The following ARHGEF7 variants were observed in gnomAD, a reference collection of about 807,000 sequenced individuals.
ARHGEF7 encodes the protein PAK-interacting exchange factor beta.
ARHGEF7 carries 33 observed loss-of-function variants against 109.8 expected under a neutral mutation model. That is an observed-to-expected ratio of 0.30 (90% CI 0.23 to 0.40). ARHGEF7 has a LOEUF of 0.40. ARHGEF7 is among the 10% of genes least tolerant of loss of function. The probability of loss-of-function intolerance (pLI) is 1.00; values close to 1 mark genes in which losing one functional copy is unlikely to be tolerated. For synonymous variants in ARHGEF7, 458 were observed against 424.6 expected, an observed-to-expected ratio of 1.08 and a Z score of -0.97; for missense variants, 938 against 1,098.5, an observed-to-expected ratio of 0.85 and a Z score of 2.07.
intron 4 of ARHGEF7, 66 bp downstream of exon 4, chr13:111,210,068 T>C (rs2082312001): frequency 1.9e-6 from 3 of 1,594,348 alleles, no homozygotes; most frequent in Non-Finnish European, 2.6e-6. Flanking sequence ...TGGATATATC[T>C]GAGAAGATAC....
intron 17 of ARHGEF7, among the ~76,000 whole-genome samples, chr13:111,287,324 C>G (rs930579820): frequency 6.6e-6 from 1 of 152,178 alleles, no homozygotes; most frequent in East Asian, 1.9e-4. Flanking sequence ...TGTGCCGGGG[C>G]TTCTCTCTGA....
intron 2 of ARHGEF7, among the ~76,000 whole-genome samples, chr13:111,178,415 A>G (rs1015853147): frequency 3.9e-5 from 6 of 152,204 alleles, no homozygotes; most frequent in African/African-American, 1.4e-4. Context: ...TTTACCTTGT[A>G]TGTTTTCTGT....
Position 111,127,228 on chromosome 13 carries a change from C to T in ARHGEF7, c.165+11537C>T, listed in dbSNP as rs536080197. The stretch of plus-strand genomic sequence containing the variant: ...AGAAGAAATTGATAACTTTAATAAC[C>T]CTACATCTATTACAGAAATAAATTT... On this transcript the variant is annotated intron_variant, in intron 1 of 21. Coordinates refer to ENST00000646102, the MANE Select transcript of ARHGEF7 (RefSeq NM_001354046.2). Among the ~76,000 whole-genome samples, 3 of 152,226 alleles carry T rather than the reference C, an allele frequency of 2.0e-5. No homozygotes were observed. In the South Asian group the frequency reaches 6.2e-4, roughly 32 times the overall value.
chr13:111,299,015 G>A (rs1197145294), intron 19 of ARHGEF7, among the ~76,000 whole-genome samples: 1 of 152,218 alleles, frequency 6.6e-6, no homozygotes, highest in African/African-American at 2.4e-5. Context: ...AGCAGCACTT[G>A]GTTGCTTTCC....
intron 5 of ARHGEF7, among the ~76,000 whole-genome samples, chr13:111,221,590 TATATATAGATATATATCTCC>T (rs2084384568): frequency 9.8e-5 from 9 of 91,416 alleles, no homozygotes; most frequent in Non-Finnish European, 1.6e-4. Context: ...TATATATATC[TATATATAGATATATATCTCC>T]CCTTTATATG....
At chr13:111,277,811 G>A (rs1166972971) in intron 13 of ARHGEF7, 138 bp downstream of exon 13, 13 of 580,218 alleles carry the variant, frequency 2.2e-5, no homozygotes, top group Non-Finnish European at 3.3e-5. Flanking sequence ...AGATATGGAC[G>A]TACAGCTCCT....
At chr13:111,271,765 C>G (rs967895224) in intron 9 of ARHGEF7, among the ~76,000 whole-genome samples, 15 of 152,084 alleles carry the variant, frequency 9.9e-5, no homozygotes, top group Admixed American at 9.8e-4. Flanking sequence ...AATTATGAAG[C>G]CTTATATATG....
chr13:111,171,047 C>CT (rs1226279457), intron 2 of ARHGEF7, among the ~76,000 whole-genome samples: 2 of 152,098 alleles, frequency 1.3e-5, no homozygotes, highest in African/African-American at 2.4e-5. Context: ...ACTGGATTTT[C>CT]TTTTTTTAAA....
At chr13:111,124,171 G>A (rs1412050470) in intron 1 of ARHGEF7, among the ~76,000 whole-genome samples, 4 of 152,046 alleles carry the variant, frequency 2.6e-5, no homozygotes, top group Admixed American at 2.0e-4. Flanking sequence ...TCCTTGAAGG[G>A]TGCTTCCTTC....
intron 5 of ARHGEF7, among the ~76,000 whole-genome samples, chr13:111,229,886 C>G (rs1024365338): frequency 6.6e-6 from 1 of 152,162 alleles, no homozygotes; most frequent in Non-Finnish European, 1.5e-5. Context: ...CTGTGAGCAG[C>G]CTGCACACTT....
intron 4 of ARHGEF7, among the ~76,000 whole-genome samples, chr13:111,215,341 AT>A (rs939864619): frequency 1.9e-4 from 28 of 151,122 alleles, no homozygotes; most frequent in African/African-American, 6.3e-4. Flanking sequence ...CTTTGTAGGT[AT>A]TTGCCTGTGT....
rs1482568555 is a variant in ARHGEF7 at position 111,303,092 on chromosome 13, C to G, written c.2568C>G (p.Ala856=). Residue 856 remains alanine, a synonymous_variant, in exon 22 of 22, where the codon GCC becomes GCG. Transcript: ENST00000646102. ...RKVLKNMNDP[A]WDETNL ...TCCTGAAGAACATGAATGATCCTGC[C>G]TGGGATGAGACCAATCTATAAGGGA... 1 of 1,612,888 alleles carries G rather than the reference C, an allele frequency of 6.2e-7. No individual in the cohort carries two copies. The highest frequency in any genetic ancestry group is 1.7e-5 in the Admixed American group (1 of 59,956).
chr13:111,276,525 A>G (rs1277056030), intron 12 of ARHGEF7, among the ~76,000 whole-genome samples: 1 of 152,202 alleles, frequency 6.6e-6, no homozygotes, highest in African/African-American at 2.4e-5. Context: ...CTGTGGAAAC[A>G]TTTCCCAAAG....
At position 111,131,132 on chromosome 13, in the gene ARHGEF7, GCC is replaced by G. The variant is rs909548222; in HGVS notation, c.165+15443_165+15444del. ...ATAGCGTGGAGAACAGATGAAATGA[GCC>G]CAGGATGGAGGATGTGAAGATGGTT... On this transcript the variant is annotated intron_variant, in intron 1 of 21. Coordinates refer to ENST00000646102, the MANE Select transcript of ARHGEF7 (RefSeq NM_001354046.2). This position sits in a 1 kb window ranked among gnomAD's most constrained non-coding sequence, Gnocchi z 4.4. Among the ~76,000 whole-genome samples, 5 of 152,206 alleles carry G rather than the reference GCC, an allele frequency of 3.3e-5. No homozygotes were observed. The highest frequency in any genetic ancestry group is 7.3e-5 in the Non-Finnish European group (5 of 68,036).
At chr13:111,154,760 T>A (rs2153379680) in intron 2 of ARHGEF7, among the ~76,000 whole-genome samples, 1 of 152,354 alleles carries the variant, frequency 6.6e-6, no homozygotes, top group South Asian at 2.1e-4. Context: ...GGTAGCACTT[T>A]AAATACAGAA....
chr13:111,218,140 A>G (rs551995572), intron 5 of ARHGEF7, among the ~76,000 whole-genome samples: 30 of 151,212 alleles, frequency 2.0e-4, no homozygotes, highest in Non-Finnish European at 3.8e-4. Flanking sequence ...AATCTTTATC[A>G]TTGCAGTTTT....
chr13:111,303,210 C>A lies in ARHGEF7; in HGVS notation c.*97C>A. 5 of 415,034 alleles carry A rather than the reference C, an allele frequency of 1.2e-5. No individual in the cohort carries two copies. The highest frequency in any genetic ancestry group is 2.3e-5 in the Non-Finnish European group (5 of 214,630). 25.7% of individuals were successfully genotyped at this position (415,034 alleles called of 1,614,324 possible). A position where few individuals can be genotyped will look rare whatever the true frequency, so the allele number is the denominator to read the frequency against. ...GTGCACTCAGGACCACAGGGCAGGG[C>A]TGGGTGGGGCGCCACCTTGCTCTCT... On this transcript the variant is annotated 3_prime_UTR_variant, in exon 22 of 22. Transcript: ENST00000646102.
intron 8 of ARHGEF7, among the ~76,000 whole-genome samples, chr13:111,264,068 C>G (rs538934867): frequency 6.6e-6 from 1 of 152,066 alleles, no homozygotes; most frequent in Admixed American, 6.5e-5. Flanking sequence ...CCCCGCTTAG[C>G]TGTTCACAGT....
chr13:111,217,202 G>A (rs1026561593), intron 4 of ARHGEF7, among the ~76,000 whole-genome samples: 2 of 152,152 alleles, frequency 1.3e-5, no homozygotes, highest in Admixed American at 6.5e-5. Context: ...TTTTAATGCA[G>A]CCTTGTCTAC....
Sources: allele counts gnomAD v4.1 joint callset (sites outside exome capture counted in the v4.1 genomes callset), GRCh38; gene constraint gnomAD v4.1.1; non-coding constraint Gnocchi (gnomAD v3.1); transcripts MANE v1.5; gene names NCBI Gene and HGNC (gene_info 2026-07-23, HGNC 2026-07-21).